ACP7: variants seen among roughly 807,000 people sequenced by gnomAD.
The protein encoded by ACP7 is acid phosphatase 7, tartrate resistant (putative).
A neutral mutation model predicts 60.6 loss-of-function variants in ACP7; 58 were observed. The ratio of observed to expected loss-of-function variants is 0.96; its 90% CI spans 0.77 to 1.19. The LOEUF is 1.19. Ranked by LOEUF, ACP7 falls within the 50% of genes most tolerant of loss-of-function variation. The pLI is 0.00. For missense variants in ACP7, 574 were observed against 596.2 expected, an observed-to-expected ratio of 0.96 and a Z score of 0.39; for synonymous variants, 237 against 232.6, an observed-to-expected ratio of 1.02 and a Z score of -0.17.
intron 2 of ACP7, among the ~76,000 whole-genome samples, chr19:39,089,923 G>A (rs1228534354): frequency 6.6e-6 from 1 of 152,120 alleles, no homozygotes; most frequent in Non-Finnish European, 1.5e-5. Flanking sequence ...GGTGCCTGCT[G>A]GGTTTCTCCA....
intron 11 of ACP7, among the ~76,000 whole-genome samples, chr19:39,102,988 C>T (rs890529118): frequency 1.3e-5 from 2 of 151,828 alleles, no homozygotes; most frequent in Admixed American, 6.6e-5. Flanking sequence ...CAGGTGCCCA[C>T]CCCCATGCCC....
chr19:39,106,187 G>A (rs8113432), intron 11 of ACP7, among the ~76,000 whole-genome samples: 30,764 of 152,098 alleles, frequency 0.2, 3,915 homozygotes, highest in East Asian at 0.41. Context: ...TTCCCCAGGC[G>A]CTGTTGTTTT....
intron 11 of ACP7, among the ~76,000 whole-genome samples, chr19:39,102,636 A>G (rs919598761): frequency 6.6e-6 from 1 of 151,416 alleles, no homozygotes; most frequent in Non-Finnish European, 1.5e-5. Flanking sequence ...TTTCTCCTCA[A>G]ACTTTCACCC....
rs58293250 is a variant in ACP7, at chr19:39,103,441, GTTTTTTTTT to G, written c.1113+1921_1113+1929del. ...TCAAAACATTCCAGGATCATCATGT[GTTTTTTTTT>G]TTTTTTTTTTTTTTTTGCTCAGCCT... On this transcript the variant is annotated intron_variant, in intron 11 of 12. Transcript: ENST00000331256. Among the ~76,000 whole-genome samples the G allele has an allele frequency of 6.2e-5, 4 of 64,714 alleles. No homozygotes were observed. The South Asian group carries it at 2.0e-3, about 32-fold the overall frequency. 42.5% of individuals were successfully genotyped at this position (64,714 alleles called of 152,430 possible).
At chr19:39,092,960 T>C (rs547231348) in intron 2 of ACP7, among the ~76,000 whole-genome samples, 7 of 151,738 alleles carry the variant, frequency 4.6e-5, no homozygotes, top group African/African-American at 1.7e-4. Context: ...GTAGTTTTGG[T>C]AGAGATGGGG....
intron 2 of ACP7, 26 bp from the exon 3 acceptor site, chr19:39,098,432 T>C (rs1432196689): frequency 7.3e-7 from 1 of 1,364,694 alleles, no homozygotes; most frequent in Non-Finnish European, 9.9e-7. Flanking sequence ...TCACTCCCGG[T>C]CTACCCTCTG....
chr19:39,107,214 A>T, intron 12 of ACP7, 130 bp downstream of exon 12: 1 of 1,030,304 alleles, frequency 9.7e-7, no homozygotes, highest in Non-Finnish European at 1.3e-6. Context: ...TGGTGGGGCT[A>T]AGGTATGAGG....
intron 4 of ACP7, 148 bp downstream of exon 4, chr19:39,099,290 A>C: frequency 1.0e-6 from 1 of 975,078 alleles, no homozygotes; most frequent in Non-Finnish European, 1.4e-6. Flanking sequence ...CTGAAGGGAC[A>C]GGGGATGAGA....
In ACP7 at chr19:39,107,075, G is replaced by C. The variant is rs151134063; in HGVS notation, c.1242G>C (p.Ser414=). The part of the protein sequence containing the change: ...NGTHIHIQQV[S]DDQDGKIVDD... ...CCCACATCCACATCCAGCAGGTGTCGGACGACCAGGTCAGTGAGGGGCAGG... is the reference window on the plus strand; with the variant it reads ...CCCACATCCACATCCAGCAGGTGTCCGACGACCAGGTCAGTGAGGGGCAGG... Residue 414 remains serine (S), a synonymous_variant, in exon 12 of 13, where the codon TCG becomes TCC. Transcript: ENST00000331256. 63 of 1,613,888 alleles carry C rather than the reference G, an allele frequency of 3.9e-5. No homozygotes were observed. Among genetic ancestry groups the C allele is most frequent in the Non-Finnish European group, 4.8e-5 (57 of 1,179,912 alleles).
At position 39,093,160 on chromosome 19, in the gene ACP7, T is replaced by C. The variant is rs200067098; in HGVS notation, c.122-5298T>C. 5.3e-3 allele frequency among the ~76,000 whole-genome samples: 467 copies of C among 87,788 alleles called. 12 individuals carry two copies. The highest frequency in any genetic ancestry group is 7.8e-3 in the East Asian group (26 of 3,320). 57.6% of individuals were successfully genotyped at this position (87,788 alleles called of 152,430 possible). On this transcript the variant is annotated intron_variant, in intron 2 of 12. Coordinates refer to ENST00000331256, the MANE Select transcript of ACP7 (RefSeq NM_001004318.3). ...CCCTCACTCCTTTCTTTCTTTCTCT[T>C]TCTTTCTTTCTCTCCTTCCTTCCTT...
rs1298500975 is a variant in ACP7, at chr19:39,099,086, T to TC, written c.454dup (p.Arg152ProfsTer12). 2.6e-5 allele frequency: 42 copies of TC among 1,601,776 alleles called. No individual in the cohort carries two copies. The highest frequency in any genetic ancestry group is 3.4e-5 in the Non-Finnish European group (40 of 1,175,158). Reference sequence around the variant, plus strand: ...CTGGGGGCTGACAACCCGAAGGCCGTCCCCCGGCTGCGCAGGGACACCCAG... The same window carrying TC: ...CTGGGGGCTGACAACCCGAAGGCCGTCCCCCCGGCTGCGCAGGGACACCCAG... On this transcript the variant is annotated frameshift_variant, in exon 4 of 13. Transcript: ENST00000331256. LOFTEE classifies it high-confidence loss of function.
intron 12 of ACP7, among the ~76,000 whole-genome samples, chr19:39,108,777 G>A (rs961064994): frequency 1.3e-5 from 2 of 152,110 alleles, no homozygotes; most frequent in Non-Finnish European, 2.9e-5. Context: ...AGCACCTACT[G>A]CATACCAGGC....
chr19:39,098,793 A>AC, intron 3 of ACP7, 135 bp downstream of exon 3: 2 of 1,350,922 alleles, frequency 1.5e-6, no homozygotes, highest in Non-Finnish European at 2.0e-6. Flanking sequence ...GTTGTATGAG[A>AC]CCCCAGGATG....
intron 11 of ACP7, among the ~76,000 whole-genome samples, chr19:39,106,599 C>T (rs578486): frequency 0.035 from 5,404 of 152,292 alleles, 301 homozygotes; most frequent in African/African-American, 0.12. Context: ...TCTCGGCTCA[C>T]TGCAACCTCC....
chr19:39,085,122 C>T lies in ACP7; in HGVS notation c.-148C>T, dbSNP rs542881251. On this transcript the variant is annotated 5_prime_UTR_variant, in exon 2 of 13. Transcript: ENST00000331256. ...GGATAACCACCCATCTTGAAGGAGA[C>T]CTCCCTGCCCTGCCTCTGTTGTCCC... 89 of 1,026,682 alleles carry T rather than the reference C, an allele frequency of 8.7e-5. No individual in the cohort carries two copies. The African/African-American group carries it at 1.4e-3, about 16-fold the overall frequency. 63.6% of individuals were successfully genotyped at this position (1,026,682 alleles called of 1,614,324 possible). A position where few individuals can be genotyped will look rare whatever the true frequency, so the allele number is the denominator to read the frequency against.
chr19:39,105,280 G>A (rs1196244522), intron 11 of ACP7, among the ~76,000 whole-genome samples: 1 of 152,000 alleles, frequency 6.6e-6, no homozygotes, highest in Non-Finnish European at 1.5e-5. Context: ...CTCCCAAAGT[G>A]CTAGGATTAC....
chr19:39,094,561 G>A (rs1363652196), intron 2 of ACP7, among the ~76,000 whole-genome samples: 1 of 151,580 alleles, frequency 6.6e-6, no homozygotes, highest in African/African-American at 2.4e-5. Flanking sequence ...ACATGTTCAC[G>A]CCTGTAATCC....
chr19:39,085,579 A>C (rs2073132367), intron 2 of ACP7, among the ~76,000 whole-genome samples, 189 bp downstream of exon 2: 1 of 152,118 alleles, frequency 6.6e-6, no homozygotes, highest in African/African-American at 2.4e-5. Context: ...GGGAATGATC[A>C]TGGTGCTCAG....
At chr19:39,104,074 T>C (rs1404103681) in intron 11 of ACP7, among the ~76,000 whole-genome samples, 1 of 151,442 alleles carries the variant, frequency 6.6e-6, no homozygotes, top group African/African-American at 2.4e-5. Flanking sequence ...ACCCTGTTTC[T>C]GGTAAAATAA....
Sources: gnomAD v4.1 joint callset for allele counts (sites outside exome capture counted in the v4.1 genomes callset) on GRCh38, gnomAD v4.1.1 for gene constraint, MANE v1.5 for transcripts, NCBI Gene and HGNC (gene_info 2026-07-23, HGNC 2026-07-21) for gene names.